The following AFDN variants were observed in gnomAD, a reference collection of about 807,000 sequenced individuals.
AFDN encodes afadin.
A neutral mutation model predicts 216.6 loss-of-function variants in AFDN; 68 were observed. The ratio of observed to expected loss-of-function variants is 0.31; its 90% CI spans 0.26 to 0.38. The LOEUF (loss-of-function observed/expected upper bound fraction) is 0.38. Among genes scored for constraint, AFDN ranks in the 10% least tolerant of loss-of-function variants. The pLI is 1.00. For synonymous variants in AFDN, 868 were observed against 853.7 expected, an observed-to-expected ratio of 1.02 and a Z score of -0.29; for missense variants, 2,136 against 2,342.0, an observed-to-expected ratio of 0.91 and a Z score of 1.82.
chr6:167,850,188 A>G (rs1782144457), intron 1 of AFDN, among the ~76,000 whole-genome samples: 1 of 152,188 alleles, frequency 6.6e-6, no homozygotes, highest in African/African-American at 2.4e-5. Flanking sequence ...AGGCAGTAAT[A>G]GTCATGTTAC....
intron 32 of AFDN, among the ~76,000 whole-genome samples, chr6:167,967,680 G>T (rs1012324691): frequency 6.6e-6 from 1 of 151,914 alleles, no homozygotes; most frequent in Non-Finnish European, 1.5e-5. Flanking sequence ...TTATTTTACC[G>T]CACACATGAA....
At chr6:167,827,631 G>C (rs1288776650) in intron 1 of AFDN, 6 of 150,212 alleles carry the variant, frequency 4.0e-5, no homozygotes, top group Non-Finnish European at 8.9e-5. Context: ...CCTGCAGCCC[G>C]GTTGTGGCTC....
At chr6:167,849,371 G>A (rs928846220) in intron 1 of AFDN, among the ~76,000 whole-genome samples, 1 of 152,062 alleles carries the variant, frequency 6.6e-6, no homozygotes, top group African/African-American at 2.4e-5. Context: ...GTTCTAGGTT[G>A]ACTCTGCATT....
intron 23 of AFDN, among the ~76,000 whole-genome samples, chr6:167,935,859 C>T (rs979641351): frequency 4.0e-5 from 6 of 151,238 alleles, no homozygotes; most frequent in African/African-American, 7.3e-5. Context: ...TTGTTTTTGC[C>T]ATATTATCTG....
intron 25 of AFDN, 32 bp downstream of exon 25, chr6:167,943,507 AT>A: frequency 6.4e-7 from 1 of 1,555,130 alleles, no homozygotes; most frequent in Non-Finnish European, 8.9e-7. Context: ...GAAGCATAGT[AT>A]TAGCATTTTT....
At chr6:167,937,448 A>G (rs1225025175) in intron 23 of AFDN, among the ~76,000 whole-genome samples, 1 of 152,130 alleles carries the variant, frequency 6.6e-6, no homozygotes, top group African/African-American at 2.4e-5. Flanking sequence ...GGATCTCGCC[A>G]TGTTGCCTAG....
At chr6:167,895,750 G>A (rs1487299772) in intron 9 of AFDN, among the ~76,000 whole-genome samples, 1 of 152,170 alleles carries the variant, frequency 6.6e-6, no homozygotes, top group Non-Finnish European at 1.5e-5. Flanking sequence ...TGTTTAACGT[G>A]TGAAACTCTC....
intron 23 of AFDN, among the ~76,000 whole-genome samples, chr6:167,931,287 G>A (rs1793271453): frequency 6.6e-6 from 1 of 152,106 alleles, no homozygotes. Flanking sequence ...ACAAAGGCAG[G>A]GAAACTGAAG....
chr6:167,955,101 T>G (rs747698519), intron 30 of AFDN, among the ~76,000 whole-genome samples: 1 of 152,196 alleles, frequency 6.6e-6, no homozygotes, highest in African/African-American at 2.4e-5. Context: ...TGGCTCATCG[T>G]TTAGGGCCCA....
At chr6:167,871,885 C>G (rs1055163239) in intron 3 of AFDN, among the ~76,000 whole-genome samples, 7 of 152,310 alleles carry the variant, frequency 4.6e-5, no homozygotes, top group South Asian at 4.1e-4. Context: ...TACTGAAAAT[C>G]AGATTTCATC....
At chr6:167,965,426 C>G (rs1324135959) in intron 31 of AFDN, among the ~76,000 whole-genome samples, 2 of 152,112 alleles carry the variant, frequency 1.3e-5, no homozygotes, top group Admixed American at 1.3e-4. Context: ...AAGGAAGTAA[C>G]AGGAGCGTGG....
At chr6:167,909,316 T>G (rs893796178) in intron 13 of AFDN, among the ~76,000 whole-genome samples, 3 of 152,066 alleles carry the variant, frequency 2.0e-5, no homozygotes, top group African/African-American at 7.2e-5. Flanking sequence ...TGGTTATATT[T>G]TTATTATTTT....
chr6:167,933,129 G>A (rs943382130), intron 23 of AFDN, among the ~76,000 whole-genome samples: 2 of 152,088 alleles, frequency 1.3e-5, no homozygotes, highest in African/African-American at 4.8e-5. Flanking sequence ...GGCCCCATTA[G>A]GTGGTTTTAA....
intron 1 of AFDN, among the ~76,000 whole-genome samples, chr6:167,858,678 A>G (rs1391231355): frequency 1.3e-5 from 2 of 152,206 alleles, no homozygotes; most frequent in African/African-American, 4.8e-5. Context: ...TTTGATTTTA[A>G]AGACCACATG....
intron 11 of AFDN, among the ~76,000 whole-genome samples, chr6:167,901,769 A>G (rs1042846190): frequency 1.3e-5 from 2 of 151,614 alleles, no homozygotes; most frequent in Non-Finnish European, 2.9e-5. Flanking sequence ...CTGGTTTTTT[A>G]TGTTCCGTTT....
chr6:167,885,406 T>A (rs62427704), intron 6 of AFDN, among the ~76,000 whole-genome samples: 139,917 of 152,206 alleles, frequency 0.92, 64,575 homozygotes, highest in African/African-American at 0.98. Context: ...TGAAAGTGAG[T>A]GATGTGCAGC....
At chr6:167,949,856 A>AACG (rs3842141) in intron 29 of AFDN, among the ~76,000 whole-genome samples, 86 of 151,864 alleles carry the variant, frequency 5.7e-4, no homozygotes, top group Non-Finnish European at 9.1e-4. Flanking sequence ...TCTACCTCAC[A>AACG]TGGATAAACA....
intron 1 of AFDN, among the ~76,000 whole-genome samples, chr6:167,834,060 C>G (rs1376082409): frequency 2.6e-5 from 4 of 152,052 alleles, no homozygotes; most frequent in African/African-American, 4.8e-5. Flanking sequence ...TTACATTACA[C>G]TTTTTACATT....
chr6:167,946,821 A>G lies in AFDN; in HGVS notation c.3473A>G (p.Tyr1158Cys). ...PESPQLPWAE[Y>C]SEPKKLPGDD... ...AGTCCTCAGCTGCCTTGGGCAGAATATAGTGAACCAAAGAAATTGCCTGGT... is the reference window on the plus strand; with the variant it reads ...AGTCCTCAGCTGCCTTGGGCAGAATGTAGTGAACCAAAGAAATTGCCTGGT... Residue 1158 changes from tyrosine to cysteine, a missense_variant, in exon 27 of 34, where the codon TAT becomes TGT. Coordinates refer to ENST00000683244, the MANE Select transcript of AFDN (RefSeq NM_001386888.1). The G allele has an allele frequency of 6.2e-7, 1 of 1,613,230 alleles. No individual in the cohort carries two copies. Among genetic ancestry groups the G allele is most frequent in the Non-Finnish European group, 8.5e-7 (1 of 1,179,806 alleles).
Sources: gnomAD v4.1 joint callset for allele counts (sites outside exome capture counted in the v4.1 genomes callset) on GRCh38, gnomAD v4.1.1 for gene constraint, MANE v1.5 for transcripts, NCBI Gene and HGNC (gene_info 2026-07-23, HGNC 2026-07-21) for gene names.